The following SLC2A13 variants were observed in gnomAD, a reference collection of about 807,000 sequenced individuals.
The protein encoded by SLC2A13 is proton myo-inositol cotransporter.
In SLC2A13, 32 loss-of-function variants were observed where a neutral mutation model predicts 64.4. That is an observed-to-expected ratio of 0.50 (90% CI 0.37 to 0.67). SLC2A13 has a LOEUF of 0.67. Among genes scored for constraint, SLC2A13 ranks in the 30% least tolerant of loss-of-function variants. The probability of loss-of-function intolerance (pLI) is 0.00; values close to 1 mark genes in which losing one functional copy is unlikely to be tolerated. For missense variants in SLC2A13, 743 were observed against 829.2 expected (o/e 0.90, Z 1.28); for synonymous variants, 338 against 327.1 (o/e 1.03, Z -0.36).
intron 7 of SLC2A13, among the ~76,000 whole-genome samples, chr12:39,778,132 C>T (rs1004768168): frequency 6.6e-6 from 1 of 152,138 alleles, no homozygotes; most frequent in African/African-American, 2.4e-5. Flanking sequence ...GTGAGCCACA[C>T]CCCCATCACA....
chr12:39,864,920 C>A, intron 5 of SLC2A13, 38 bp from the exon 6 acceptor site: 3 of 1,570,690 alleles, frequency 1.9e-6, no homozygotes, highest in African/African-American at 1.4e-5. Context: ...GAAGAGTTGA[C>A]AATATTGTTT....
At chr12:39,884,646 G>A (rs1367036323) in intron 4 of SLC2A13, among the ~76,000 whole-genome samples, 1 of 152,148 alleles carries the variant, frequency 6.6e-6, no homozygotes, top group Non-Finnish European at 1.5e-5. Flanking sequence ...CCATAACACT[G>A]AGGGTGACCG....
intron 3 of SLC2A13, among the ~76,000 whole-genome samples, chr12:40,008,654 T>C (rs1226836335): frequency 1.3e-5 from 2 of 151,566 alleles, no homozygotes; most frequent in Non-Finnish European, 2.9e-5. Flanking sequence ...ATTAAACTAA[T>C]CCTTCATATT....
At chr12:40,028,226 C>G (rs1163588573) in intron 3 of SLC2A13, 75 bp downstream of exon 3, 14 of 955,676 alleles carry the variant, frequency 1.5e-5, no homozygotes, top group Non-Finnish European at 1.9e-5. Flanking sequence ...ATATTATACA[C>G]ACACGCACAC....
chr12:39,865,235 A>G (rs1439913349), intron 5 of SLC2A13, among the ~76,000 whole-genome samples: 2 of 152,248 alleles, frequency 1.3e-5, no homozygotes, highest in Non-Finnish European at 2.9e-5. Context: ...AGTGCCTAAC[A>G]TATCAAGAAG....
chr12:39,765,227 T>A lies in SLC2A13; in HGVS notation c.1446-369A>T, dbSNP rs111496010. Reference sequence around the variant, plus strand: ...ACAAGATTCAAATTTCAGAGCCAGATACTTTTCATCTGATAAAATGGGGAT... The same window carrying A: ...ACAAGATTCAAATTTCAGAGCCAGAAACTTTTCATCTGATAAAATGGGGAT... On this transcript the variant is annotated intron_variant, in intron 7 of 9. Transcript: ENST00000280871. 7.3e-3 allele frequency among the ~76,000 whole-genome samples: 1,115 copies of A among 152,194 alleles called. 21 individuals carry two copies. The highest frequency in any genetic ancestry group is 0.025 in the African/African-American group (1,039 of 41,548).
intron 7 of SLC2A13, among the ~76,000 whole-genome samples, chr12:39,793,291 A>T (rs1477382597): frequency 6.6e-6 from 1 of 152,156 alleles, no homozygotes; most frequent in East Asian, 1.9e-4. Context: ...GACGTGCAAA[A>T]TTGTACATTA....
At chr12:40,029,931 C>A (rs1947878495) in intron 2 of SLC2A13, among the ~76,000 whole-genome samples, 1 of 152,110 alleles carries the variant, frequency 6.6e-6, no homozygotes, top group African/African-American at 2.4e-5. Context: ...TAATTTATGT[C>A]TTTGTATCTT....
chr12:39,928,985 C>A lies in SLC2A13; in HGVS notation c.1034+22272G>T, dbSNP rs540881076. Among the ~76,000 whole-genome samples, 58 of 152,262 alleles carry A rather than the reference C, an allele frequency of 3.8e-4. 1 individual carries two copies. The South Asian group carries it at 0.012, about 31-fold the overall frequency. ...CACTGCCAAGATCCTTTGCCCTCCCCACACATGGGGAGGAGACAGAGGTGT... is the reference window on the plus strand; with the variant it reads ...CACTGCCAAGATCCTTTGCCCTCCCAACACATGGGGAGGAGACAGAGGTGT... On this transcript the variant is annotated intron_variant, in intron 4 of 9. Transcript: ENST00000280871.
intron 1 of SLC2A13, among the ~76,000 whole-genome samples, chr12:40,064,992 C>G (rs547600345): frequency 6.6e-6 from 1 of 151,876 alleles, no homozygotes; most frequent in African/African-American, 2.4e-5. Flanking sequence ...CAAAACAATC[C>G]CAGTTTTTTT....
chr12:39,964,606 G>A lies in SLC2A13; in HGVS notation c.926-13241C>T, dbSNP rs1946473541. Among the ~76,000 whole-genome samples the A allele has an allele frequency of 2.0e-5, 3 of 152,128 alleles. No individual in the cohort carries two copies. In the South Asian group the frequency reaches 6.2e-4, roughly 31 times the overall value. On this transcript the variant is annotated intron_variant, in intron 3 of 9. Coordinates refer to ENST00000280871, the MANE Select transcript of SLC2A13 (RefSeq NM_052885.4). ...ATTTAAAACTATCTTTACCATGTCGGGAACATAACTGACAGAGCCTACAAG... is the reference window on the plus strand; with the variant it reads ...ATTTAAAACTATCTTTACCATGTCGAGAACATAACTGACAGAGCCTACAAG...
chr12:40,078,261 A>T (rs1246717883), intron 1 of SLC2A13, among the ~76,000 whole-genome samples: 3 of 152,116 alleles, frequency 2.0e-5, no homozygotes, highest in African/African-American at 4.8e-5. Context: ...GGTTTTACCC[A>T]TTCGTTATAA....
At chr12:39,794,725 T>C (rs1274651411) in intron 7 of SLC2A13, among the ~76,000 whole-genome samples, 1 of 152,192 alleles carries the variant, frequency 6.6e-6, no homozygotes, top group Non-Finnish European at 1.5e-5. Flanking sequence ...TGTGAACATA[T>C]TCTGGTTCTG....
At chr12:40,048,249 C>T in intron 1 of SLC2A13, 39 bp from the exon 2 acceptor site, 1 of 1,555,964 alleles carries the variant, frequency 6.4e-7, no homozygotes, top group South Asian at 1.2e-5. Context: ...GACATTTACT[C>T]AAGATTTCTG....
chr12:39,838,119 A>G (rs922025310), intron 6 of SLC2A13, among the ~76,000 whole-genome samples: 3 of 148,312 alleles, frequency 2.0e-5, no homozygotes, highest in Non-Finnish European at 4.5e-5. Context: ...AGACTGGATT[A>G]AGAAAATGTG....
At chr12:39,810,097 G>T (rs951255092) in intron 7 of SLC2A13, among the ~76,000 whole-genome samples, 2 of 152,146 alleles carry the variant, frequency 1.3e-5, no homozygotes, top group African/African-American at 4.8e-5. Flanking sequence ...CTTCCACAAT[G>T]GTTGGACTAG....
intron 4 of SLC2A13, among the ~76,000 whole-genome samples, chr12:39,895,517 T>A (rs1944734321): frequency 9.8e-3 from 9 of 922 alleles, no homozygotes; most frequent in Non-Finnish European, 0.019. Flanking sequence ...AAAAAAATTA[T>A]ATATATATAT....
rs568415833 is a variant in SLC2A13, at chr12:39,824,972, C to T, written c.1445+5131G>A. Among the ~76,000 whole-genome samples, 3 of 152,250 alleles carry T rather than the reference C, an allele frequency of 2.0e-5. No individual in the cohort carries two copies. In the South Asian group the frequency reaches 6.2e-4, roughly 32 times the overall value. On this transcript the variant is annotated intron_variant, in intron 7 of 9. Transcript: ENST00000280871. ...TTAGGGTAATGACAAGGGATTTAAA[C>T]TGACTAGAATCTGTGTGGGAGAGTG...
chr12:39,922,814 G>C (rs1461886410), intron 4 of SLC2A13, among the ~76,000 whole-genome samples: 1 of 149,746 alleles, frequency 6.7e-6, no homozygotes, highest in Non-Finnish European at 1.5e-5. Flanking sequence ...GCAAAACTTT[G>C]CAAAACTTGC....
Sources: allele counts gnomAD v4.1 joint callset (sites outside exome capture counted in the v4.1 genomes callset), GRCh38; gene constraint gnomAD v4.1.1; transcripts MANE v1.5; gene names NCBI Gene and HGNC (gene_info 2026-07-23, HGNC 2026-07-21).